The following MALRD1 variants were observed in gnomAD, a reference collection of about 807,000 sequenced individuals.
MALRD1 encodes the protein MAM and LDL receptor class A domain containing 1.
A neutral mutation model predicts 242.1 loss-of-function variants in MALRD1; 247 were observed. The observed-to-expected ratio is 1.02, with a 90% CI of 0.92 to 1.13. MALRD1 has a LOEUF of 1.13. MALRD1 is among the 50% of genes most tolerant of loss of function. The pLI is 0.00. For synonymous variants in MALRD1, 995 were observed against 866.6 expected (o/e 1.15, Z -2.60); for missense variants, 2,989 against 2,533.1 (o/e 1.18, Z -3.86).
rs149433114 is a variant in MALRD1 at position 19,252,259 on chromosome 10, G to C, written c.2992-5425G>C. The stretch of plus-strand genomic sequence containing the variant: ...CTTTTGAAATATTGGCAACCAATCT[G>C]ACTCAAGAGCACTCATGGAGTTAAA... On this transcript the variant is annotated intron_variant, in intron 18 of 39. Coordinates refer to ENST00000454679, the MANE Select transcript of MALRD1 (RefSeq NM_001142308.3). 3.7e-3 allele frequency among the ~76,000 whole-genome samples: 557 copies of C among 152,084 alleles called. 1 individual carries two copies. The highest frequency in any genetic ancestry group is 8.5e-3 in the African/African-American group (355 of 41,522).
intron 38 of MALRD1, among the ~76,000 whole-genome samples, chr10:19,712,521 A>G (rs536266029): frequency 6.6e-6 from 1 of 152,336 alleles, no homozygotes; most frequent in Non-Finnish European, 1.5e-5. Context: ...CAGATTCTTA[A>G]CATAAGGCTG....
intron 2 of MALRD1, among the ~76,000 whole-genome samples, chr10:19,076,135 G>A (rs559740487): frequency 1.3e-5 from 2 of 151,810 alleles, no homozygotes; most frequent in East Asian, 2.0e-4. Flanking sequence ...TTCTTACCCC[G>A]ATTTTCATTG....
At position 19,607,833 on chromosome 10, in the gene MALRD1, C is replaced by A; in HGVS notation, c.6001C>A (p.Pro2001Thr). 1.3e-6 allele frequency: 2 copies of A among 1,549,694 alleles called. No individual in the cohort carries two copies. The highest frequency in any genetic ancestry group is 1.7e-6 in the Non-Finnish European group (2 of 1,146,516). Residue 2001 changes from proline (P) to threonine (T), a missense_variant, in exon 35 of 40, where the codon CCA (proline) becomes ACA (threonine). Pro to Thr is a conservative substitution (Grantham distance 38). Transcript: ENST00000454679. ...GTGTGCCTCCTCCAACAGCTGTATC[C>A]CAGCCCACCAGCGCTGTGATGGTTT... The part of the protein sequence containing the change: ...LVCASSNSCI[P>T]AHQRCDGFAD...
rs571134935 is a variant in MALRD1 at position 19,057,937 on chromosome 10, C to T, written c.200-8782C>T. 2.6e-5 allele frequency among the ~76,000 whole-genome samples: 4 copies of T among 152,124 alleles called. No individual in the cohort carries two copies. In the South Asian group the frequency reaches 8.3e-4, roughly 32 times the overall value. On this transcript the variant is annotated intron_variant, in intron 1 of 39. Transcript: ENST00000454679. ...GAATGTGATTGTTAAAAATATTAAG[C>T]ATATGTGTAATATATTTAACAAATA...
chr10:19,691,379 T>A (rs1023102567), intron 36 of MALRD1, among the ~76,000 whole-genome samples: 1 of 152,094 alleles, frequency 6.6e-6, no homozygotes, highest in African/African-American at 2.4e-5. Flanking sequence ...AATTTAAAAG[T>A]GATTAAGTGA....
chr10:19,531,266 C>G lies in MALRD1; in HGVS notation c.5393C>G (p.Ser1798Cys). 1 of 1,550,480 alleles carries G rather than the reference C, an allele frequency of 6.4e-7. No individual in the cohort carries two copies. Residue 1798 changes from serine (S) to cysteine (C), a missense_variant, in exon 32 of 40, where the codon TCC becomes TGC. By Grantham distance (112) the Ser-to-Cys change is moderately radical (BLOSUM62 -1). Transcript: ENST00000454679. ...GGATCCGTTGCCAGAATTACTACTT[C>G]CAAATCCTTCCCAGCAAGCCTTGGA... ...KEGSVARITT[S>C]KSFPASLGMC...
intron 1 of MALRD1, among the ~76,000 whole-genome samples, chr10:19,064,166 A>G (rs896423573): frequency 1.4e-4 from 21 of 152,158 alleles, no homozygotes; most frequent in African/African-American, 5.1e-4. Context: ...AAACAAAGTG[A>G]TACGTTGCAC....
At chr10:19,172,048 C>CATATAATATATGT (rs1835026312) in intron 13 of MALRD1, among the ~76,000 whole-genome samples, 1 of 12,000 alleles carries the variant, frequency 8.3e-5, no homozygotes, top group Admixed American at 1.4e-3. Flanking sequence ...TGATATATAT[C>CATATAATATATGT]ATATATCACA....
At chr10:19,172,131 A>C (rs1411151838) in intron 13 of MALRD1, among the ~76,000 whole-genome samples, 2 of 146,384 alleles carry the variant, frequency 1.4e-5, no homozygotes, top group Non-Finnish European at 1.5e-5. Context: ...ATATATACAC[A>C]TATATACACA....
chr10:19,456,937 T>A (rs905650385), intron 29 of MALRD1, among the ~76,000 whole-genome samples: 5 of 151,682 alleles, frequency 3.3e-5, no homozygotes, highest in African/African-American at 1.2e-4. Context: ...CATGCCCAGC[T>A]AAAAAAACAA....
chr10:19,268,102 C>T (rs568730062), intron 19 of MALRD1, among the ~76,000 whole-genome samples: 2 of 152,164 alleles, frequency 1.3e-5, no homozygotes, highest in East Asian at 3.9e-4. Context: ...GGTTAGTTCA[C>T]AGCTTGGAAA....
chr10:19,170,671 C>A (rs1462275845), intron 13 of MALRD1, among the ~76,000 whole-genome samples: 1 of 152,148 alleles, frequency 6.6e-6, no homozygotes, highest in Non-Finnish European at 1.5e-5. Flanking sequence ...TCTGCAGCAT[C>A]CACTAAAGCC....
At chr10:19,721,215 G>T (rs1285498976) in intron 38 of MALRD1, among the ~76,000 whole-genome samples, 1 of 152,040 alleles carries the variant, frequency 6.6e-6, no homozygotes, top group East Asian at 1.9e-4. Flanking sequence ...ATTTTTATTG[G>T]AATGCTATAT....
chr10:19,732,682 A>C (rs1258951726), intron 39 of MALRD1, among the ~76,000 whole-genome samples: 1 of 152,246 alleles, frequency 6.6e-6, no homozygotes, highest in Non-Finnish European at 1.5e-5. Context: ...TTAGTGCCTC[A>C]TAAACTTGTA....
At chr10:19,700,683 T>C (rs1430404995) in intron 38 of MALRD1, among the ~76,000 whole-genome samples, 1 of 152,176 alleles carries the variant, frequency 6.6e-6, no homozygotes, top group Non-Finnish European at 1.5e-5. Flanking sequence ...ATTTTCCCTT[T>C]CCTTCATACC....
At chr10:19,709,760 A>T (rs568855533) in intron 38 of MALRD1, among the ~76,000 whole-genome samples, 2 of 152,184 alleles carry the variant, frequency 1.3e-5, no homozygotes, top group Non-Finnish European at 2.9e-5. Flanking sequence ...TTTAAAAATT[A>T]AAAAGATGCC....
chr10:19,306,120 C>A (rs10827261), intron 21 of MALRD1, among the ~76,000 whole-genome samples: 48,518 of 112,978 alleles, frequency 0.43, 10,561 homozygotes, highest in South Asian at 0.55. Flanking sequence ...TATATACTAT[C>A]TAGTATATAT....
intron 18 of MALRD1, among the ~76,000 whole-genome samples, chr10:19,249,337 G>A (rs1192190341): frequency 6.6e-6 from 1 of 151,744 alleles, no homozygotes; most frequent in African/African-American, 2.4e-5. Flanking sequence ...CGGTTTCAAA[G>A]TAAAAGGATG....
intron 38 of MALRD1, among the ~76,000 whole-genome samples, chr10:19,695,710 G>A (rs1833349281): frequency 1.3e-5 from 2 of 151,790 alleles, no homozygotes; most frequent in African/African-American, 4.8e-5. Context: ...ATTTTTAGTA[G>A]ACACAGGGTT....
Sources: gnomAD v4.1 joint callset for allele counts (sites outside exome capture counted in the v4.1 genomes callset) on GRCh38, gnomAD v4.1.1 for gene constraint, MANE v1.5 for transcripts, NCBI Gene and HGNC (gene_info 2026-07-23, HGNC 2026-07-21) for gene names.